The following AKR1D1 variants were observed in gnomAD, a reference collection of about 807,000 sequenced individuals.
AKR1D1 encodes the protein aldo-keto reductase family 1 member D1.
AKR1D1 carries 32 observed loss-of-function variants against 42.6 expected under a neutral mutation model. The observed-to-expected ratio is 0.75, with a 90% CI of 0.57 to 1.01. The LOEUF (loss-of-function observed/expected upper bound fraction) is 1.01, where lower values mean the gene tolerates loss of function less well. Among genes scored for constraint, AKR1D1 ranks in the 50% least tolerant of loss-of-function variants. The probability of loss-of-function intolerance (pLI) is 0.00; values close to 1 mark genes in which losing one functional copy is unlikely to be tolerated. For synonymous variants in AKR1D1, 123 were observed against 135.5 expected (o/e 0.91, Z 0.64); for missense variants, 364 against 402.2 (o/e 0.91, Z 0.81).
At chr7:138,081,488 T>C (rs1803054727) in intron 1 of AKR1D1, among the ~76,000 whole-genome samples, 1 of 130,008 alleles carries the variant, frequency 7.7e-6, no homozygotes, top group Non-Finnish European at 1.6e-5. Context: ...ATATCCAAAA[T>C]ATAAAAGGAA....
chr7:138,105,863 C>T (rs771327466), intron 5 of AKR1D1, among the ~76,000 whole-genome samples: 2 of 151,774 alleles, frequency 1.3e-5, no homozygotes, highest in Admixed American at 1.3e-4. Flanking sequence ...CCAGCCTGGG[C>T]GACAGAGTGT....
At chr7:138,095,279 T>G (rs1033329606) in intron 3 of AKR1D1, among the ~76,000 whole-genome samples, 1 of 152,064 alleles carries the variant, frequency 6.6e-6, no homozygotes, top group Admixed American at 6.6e-5. Flanking sequence ...GGAGCAGAAA[T>G]GTGGGTCATA....
chr7:138,097,334 G>A (rs1235171388), intron 3 of AKR1D1, among the ~76,000 whole-genome samples: 1 of 152,216 alleles, frequency 6.6e-6, no homozygotes, highest in Non-Finnish European at 1.5e-5. Context: ...TCGAAGTACT[G>A]TTAAGGGAGT....
At position 138,097,941 on chromosome 7, in the gene AKR1D1, G is replaced by A. The variant is rs1457496759; in HGVS notation, c.454G>A (p.Glu152Lys). 3.1e-6 allele frequency: 5 copies of A among 1,608,780 alleles called. No homozygotes were observed. In the South Asian group the frequency reaches 3.3e-5, roughly 11 times the overall value. Residue 152 changes from glutamate to lysine, a missense_variant and splice_region_variant, in exon 4 of 9, where the codon GAG becomes AAG. Transcript: ENST00000242375. Reference protein sequence around the residue: ...YHKSNLCATWEAMEACKDAGL... With the variant: ...YHKSNLCATWKAMEACKDAGL... The stretch of plus-strand genomic sequence containing the variant: ...CAAGTCAAATCTGTGTGCCACTTGG[G>A]AGGTAAGTTCAAATGTGCTTCTTAT...
chr7:138,106,014 T>C (rs534020035), intron 5 of AKR1D1, among the ~76,000 whole-genome samples: 5 of 152,084 alleles, frequency 3.3e-5, no homozygotes, highest in South Asian at 2.1e-4. Flanking sequence ...ATTGCAAGAC[T>C]GGTACACATG....
intron 1 of AKR1D1, among the ~76,000 whole-genome samples, chr7:138,086,833 G>C (rs1044831258): frequency 6.6e-6 from 1 of 152,150 alleles, no homozygotes; most frequent in African/African-American, 2.4e-5. Flanking sequence ...TCAGAAAATA[G>C]AATCAACCCT....
chr7:138,096,249 C>T (rs771699921), intron 3 of AKR1D1, among the ~76,000 whole-genome samples: 14 of 151,706 alleles, frequency 9.2e-5, no homozygotes, highest in Non-Finnish European at 1.6e-4. Context: ...TGCTATCATT[C>T]AGAAACATTT....
At chr7:138,088,015 C>A (rs1406169461) in intron 1 of AKR1D1, among the ~76,000 whole-genome samples, 1 of 151,946 alleles carries the variant, frequency 6.6e-6, no homozygotes, top group Non-Finnish European at 1.5e-5. Context: ...CTTACCCTCC[C>A]AAGTAACTGG....
chr7:138,095,143 G>A (rs538761665), intron 3 of AKR1D1, among the ~76,000 whole-genome samples: 2 of 152,246 alleles, frequency 1.3e-5, no homozygotes, highest in Admixed American at 6.5e-5. Flanking sequence ...TATCTAATGT[G>A]GGTTCAGGCT....
intron 4 of AKR1D1, among the ~76,000 whole-genome samples, chr7:138,100,697 T>TTC: frequency 9.3e-6 from 1 of 107,066 alleles, no homozygotes; most frequent in South Asian, 3.3e-4. Context: ...TAGTCAGAGA[T>TTC]TCTTTTTTTT....
At position 138,114,435 on chromosome 7, in the gene AKR1D1, G is replaced by A. The variant is rs189340979; in HGVS notation, c.938+663G>A. Among the ~76,000 whole-genome samples, 375 of 152,152 alleles carry A rather than the reference G, an allele frequency of 2.5e-3. 1 individual carries two copies. The highest frequency in any genetic ancestry group is 8.3e-3 in the African/African-American group (344 of 41,524). Reference sequence around the variant, plus strand: ...AATACTTTGGGAGGCTAAGGTGGGCGGATCACCTTAGGTCGGGAGTTAGAG... The same window carrying A: ...AATACTTTGGGAGGCTAAGGTGGGCAGATCACCTTAGGTCGGGAGTTAGAG... On this transcript the variant is annotated intron_variant, in intron 8 of 8. Transcript: ENST00000242375.
rs556934453 is a variant in AKR1D1 at position 138,112,299 on chromosome 7, C to T, written c.856-1391C>T. 2.6e-5 allele frequency among the ~76,000 whole-genome samples: 4 copies of T among 152,038 alleles called. No homozygotes were observed. In the South Asian group the frequency reaches 8.3e-4, roughly 32 times the overall value. ...TTTTATATTGTGCACATTTTTGATT[C>T]CTTATGTAATCTCATAAATGCCAAT... On this transcript the variant is annotated intron_variant, in intron 7 of 8. Coordinates refer to ENST00000242375, the MANE Select transcript of AKR1D1 (RefSeq NM_005989.4).
chr7:138,097,710 C>T (rs904186482), intron 3 of AKR1D1, among the ~76,000 whole-genome samples, 156 bp from the exon 4 acceptor site: 2 of 152,162 alleles, frequency 1.3e-5, no homozygotes, highest in African/African-American at 4.8e-5. Flanking sequence ...CTTAATCCAG[C>T]TGGGCCGCTA....
In AKR1D1 at chr7:138,116,799, TTTG is replaced by T; in HGVS notation, c.*139_*141del. 1 of 780,190 alleles carries T rather than the reference TTTG, an allele frequency of 1.3e-6. No homozygotes were observed. Among genetic ancestry groups the T allele is most frequent in the Non-Finnish European group, 2.1e-6 (1 of 473,954 alleles). 48.3% of individuals were successfully genotyped at this position (780,190 alleles called of 1,614,324 possible). Reference sequence around the variant, plus strand: ...AATAATGATGGAAACATGTTTAATGTTTGTGCAGTGTAAATGACTTTGACTCAG... The same window carrying T: ...AATAATGATGGAAACATGTTTAATGTTGCAGTGTAAATGACTTTGACTCAG... On this transcript the variant is annotated 3_prime_UTR_variant, in exon 9 of 9. Coordinates refer to ENST00000242375, the MANE Select transcript of AKR1D1 (RefSeq NM_005989.4).
At chr7:138,091,657 C>T (rs1384055638) in intron 2 of AKR1D1, 111 bp from the exon 3 acceptor site, 15 of 740,148 alleles carry the variant, frequency 2.0e-5, no homozygotes, top group Non-Finnish European at 2.5e-5. Context: ...TAGTGAGACC[C>T]CCCATCTCAA....
chr7:138,098,495 G>A (rs1002411152), intron 4 of AKR1D1, among the ~76,000 whole-genome samples: 5 of 151,738 alleles, frequency 3.3e-5, no homozygotes, highest in African/African-American at 9.7e-5. Flanking sequence ...CTATAATCCC[G>A]GCTACTCAGG....
intron 1 of AKR1D1, among the ~76,000 whole-genome samples, chr7:138,083,109 G>A (rs1803092150): frequency 6.6e-6 from 1 of 151,932 alleles, no homozygotes. Flanking sequence ...AATTTTTTTA[G>A]GAACCTCCAT....
intron 1 of AKR1D1, among the ~76,000 whole-genome samples, chr7:138,080,707 A>C (rs553655014): frequency 6.6e-6 from 1 of 152,226 alleles, no homozygotes; most frequent in Non-Finnish European, 1.5e-5. Context: ...TTTGGATACC[A>C]CTCATTTTGA....
At chr7:138,096,743 C>T (rs570051243) in intron 3 of AKR1D1, among the ~76,000 whole-genome samples, 1 of 151,992 alleles carries the variant, frequency 6.6e-6, no homozygotes, top group Admixed American at 6.5e-5. Context: ...CATCTCATGA[C>T]CCTCTCATGG....
Sources: gnomAD v4.1 joint callset for allele counts (sites outside exome capture counted in the v4.1 genomes callset) on GRCh38, gnomAD v4.1.1 for gene constraint, MANE v1.5 for transcripts, NCBI Gene and HGNC (gene_info 2026-07-23, HGNC 2026-07-21) for gene names.